The following KDM4C variants were observed in gnomAD, a reference collection of about 807,000 sequenced individuals.
The protein encoded by KDM4C is lysine demethylase 4C.
KDM4C carries 81 observed loss-of-function variants against 129.3 expected under a neutral mutation model. The ratio of observed to expected loss-of-function variants is 0.63; its 90% CI spans 0.52 to 0.75. The LOEUF is 0.75. KDM4C is among the 30% of genes least tolerant of loss of function. KDM4C has a pLI of 0.00. For synonymous variants in KDM4C, 573 were observed against 456.1 expected, an observed-to-expected ratio of 1.26 and a Z score of -3.26; for missense variants, 1,457 against 1,304.0, an observed-to-expected ratio of 1.12 and a Z score of -1.81.
intron 2 of KDM4C, among the ~76,000 whole-genome samples, chr9:6,795,928 TC>T (rs749803171): frequency 1.1e-4 from 17 of 152,052 alleles, no homozygotes; most frequent in Non-Finnish European, 2.5e-4. Context: ...CGCTTTGGCC[TC>T]CCAAATTGCT....
At chr9:7,058,860 C>CT (rs59489339) in intron 17 of KDM4C, among the ~76,000 whole-genome samples, 88 of 149,786 alleles carry the variant, frequency 5.9e-4, no homozygotes, top group Non-Finnish European at 9.1e-4. Context: ...TTCATGCAAC[C>CT]TTTTTTTTTT....
chr9:7,052,894 A>AGAGAGAGAGAGCGAGAGAGAGAGC lies in KDM4C; in HGVS notation c.2424+3701_2424+3702insAGAGCGAGAGAGAGAGCGAGAGAG, dbSNP rs1339242817. Among the ~76,000 whole-genome samples, 11 of 105,498 alleles carry AGAGAGAGAGAGCGAGAGAGAGAGC rather than the reference A, an allele frequency of 1.0e-4. 2 individuals carry two copies. Among genetic ancestry groups the AGAGAGAGAGAGCGAGAGAGAGAGC allele is most frequent in the African/African-American group, 3.1e-4 (9 of 28,738 alleles). The allele number at this position is 105,498 out of a possible 152,430, so 69.2% of individuals were successfully genotyped here. ...GAGAGAGAGAGAGAGAGAGAGAGAG[A>AGAGAGAGAGAGCGAGAGAGAGAGC]GAGAGAGCGAGCGAGTGCCCAAGGG... On this transcript the variant is annotated intron_variant, in intron 17 of 21. Transcript: ENST00000381309.
chr9:6,855,030 A>G (rs1476803116), intron 5 of KDM4C, among the ~76,000 whole-genome samples: 1 of 152,242 alleles, frequency 6.6e-6, no homozygotes, highest in African/African-American at 2.4e-5. Context: ...AGTACATATC[A>G]CAGCTGGAGA....
At chr9:7,099,280 G>A (rs1836808565) in intron 17 of KDM4C, among the ~76,000 whole-genome samples, 1 of 152,218 alleles carries the variant, frequency 6.6e-6, no homozygotes, top group African/African-American at 2.4e-5. Context: ...AAGGAGATGT[G>A]CTTTGAACCT....
intron 12 of KDM4C, among the ~76,000 whole-genome samples, chr9:7,006,104 T>G (rs75187582): frequency 0.048 from 7,249 of 152,336 alleles, 336 homozygotes; most frequent in East Asian, 0.25. Flanking sequence ...TTTACACCGT[T>G]GCTAACAACA....
intron 4 of KDM4C, among the ~76,000 whole-genome samples, chr9:6,816,103 C>T (rs1687116547): frequency 6.6e-6 from 1 of 152,162 alleles, no homozygotes; most frequent in South Asian, 2.1e-4. Flanking sequence ...CCCTTTGTAA[C>T]TAATAAGTGA....
intron 8 of KDM4C, among the ~76,000 whole-genome samples, chr9:6,909,381 A>G (rs1201490773): frequency 6.6e-6 from 1 of 152,220 alleles, no homozygotes; most frequent in Non-Finnish European, 1.5e-5. Flanking sequence ...ACCTTTCTGT[A>G]GTGCTGTAGA....
At position 6,732,510 on chromosome 9, in the gene KDM4C, A is replaced by T. The variant is rs191038682; in HGVS notation, c.49+11513A>T. Reference sequence around the variant, plus strand: ...CAGGAGTTGGAAACCAGCCTCCCAAAGTGCTGGGATTACGGGCATGAGCCA... The same window carrying T: ...CAGGAGTTGGAAACCAGCCTCCCAATGTGCTGGGATTACGGGCATGAGCCA... On this transcript the variant is annotated intron_variant, in intron 1 of 17. Coordinates refer to the KDM4C transcript ENST00000536108. Among the ~76,000 whole-genome samples the T allele has an allele frequency of 1.8e-3, 270 of 150,460 alleles. 1 individual carries two copies. The highest frequency in any genetic ancestry group is 6.3e-3 in the African/African-American group (259 of 40,844).
intron 8 of KDM4C, among the ~76,000 whole-genome samples, chr9:6,909,870 A>C (rs1219333113): frequency 2.6e-5 from 4 of 152,198 alleles, no homozygotes; most frequent in Admixed American, 2.6e-4. Context: ...GTGGAGCAAG[A>C]CTTTTGAAGC....
intron 19 of KDM4C, among the ~76,000 whole-genome samples, chr9:7,158,430 A>T (rs1356890802): frequency 6.6e-6 from 1 of 150,746 alleles, no homozygotes; most frequent in East Asian, 2.0e-4. Context: ...TTTAATTGTG[A>T]TGTTAGGGTG....
chr9:7,072,022 C>T (rs1318676198), intron 17 of KDM4C, among the ~76,000 whole-genome samples: 1 of 152,124 alleles, frequency 6.6e-6, no homozygotes, highest in East Asian at 1.9e-4. Flanking sequence ...CACTAGAGGA[C>T]ATACATAGAC....
chr9:6,833,177 C>T (rs1177245955), intron 4 of KDM4C, among the ~76,000 whole-genome samples: 3 of 151,814 alleles, frequency 2.0e-5, no homozygotes, highest in Non-Finnish European at 4.4e-5. Context: ...GTTTGGGCCC[C>T]TTTAGGATTT....
At chr9:7,102,761 C>T (rs1417686903) in intron 17 of KDM4C, among the ~76,000 whole-genome samples, 1 of 152,170 alleles carries the variant, frequency 6.6e-6, no homozygotes. Context: ...AACATTTGAT[C>T]AGATTTCAGA....
intron 15 of KDM4C, among the ~76,000 whole-genome samples, chr9:7,037,188 G>T (rs1778326226): frequency 6.6e-6 from 1 of 152,110 alleles, no homozygotes; most frequent in African/African-American, 2.4e-5. Context: ...ACGGTTTTGT[G>T]TTTCTGTTAT....
At chr9:6,930,414 G>T (rs554231253) in intron 8 of KDM4C, among the ~76,000 whole-genome samples, 1 of 151,256 alleles carries the variant, frequency 6.6e-6, no homozygotes, top group South Asian at 2.1e-4. Context: ...AATAAAGCAC[G>T]CGTTGAATTT....
intron 5 of KDM4C, among the ~76,000 whole-genome samples, chr9:6,878,582 A>T (rs980613893): frequency 3.9e-5 from 6 of 152,208 alleles, no homozygotes; most frequent in Non-Finnish European, 4.4e-5. Context: ...CTTTCTGCAG[A>T]TAAGGATAGC....
rs1360265125 is a variant in KDM4C at position 6,814,566 on chromosome 9, T to A, written c.321-65T>A. 3.0e-6 allele frequency: 3 copies of A among 985,690 alleles called. No homozygotes were observed. In the African/African-American group the frequency reaches 4.9e-5, roughly 16 times the overall value. The allele number at this position is 985,690 out of a possible 1,614,324, so 61.1% of individuals were successfully genotyped here. A position where few individuals can be genotyped will look rare whatever the true frequency, so the allele number is the denominator to read the frequency against. ...TGTTTTAGAAAGTGATTTAAATCAA[T>A]TTGGTGGGAAAAACCCTAAAACTGA... On this transcript the variant is annotated intron_variant, in intron 3 of 21. Transcript: ENST00000381309.
intron 12 of KDM4C, 96 bp downstream of exon 12, chr9:6,990,620 C>T: frequency 1.3e-6 from 1 of 744,084 alleles, no homozygotes; most frequent in Non-Finnish European, 2.2e-6. Context: ...AAAAATTCAA[C>T]AAGTAGCAAA....
intron 1 of KDM4C, among the ~76,000 whole-genome samples, chr9:6,721,658 G>A (rs563838589): frequency 2.0e-5 from 3 of 148,210 alleles, no homozygotes; most frequent in East Asian, 2.0e-4. Flanking sequence ...GCGTGGTCTC[G>A]GCTCACTGCA....
Sources: gnomAD v4.1 joint callset for allele counts (sites outside exome capture counted in the v4.1 genomes callset) on GRCh38, gnomAD v4.1.1 for gene constraint, MANE v1.5 for transcripts, NCBI Gene and HGNC (gene_info 2026-07-23, HGNC 2026-07-21) for gene names.